TAF1: variants seen among roughly 807,000 people sequenced by gnomAD.
The protein encoded by TAF1 is transcription initiation factor TFIID subunit 1.
In TAF1, 2 loss-of-function variants were observed where a neutral mutation model predicts 138.5. The observed-to-expected ratio is 0.01, with a 90% confidence interval of 0.01 to 0.05. The LOEUF (loss-of-function observed/expected upper bound fraction) is 0.05, where lower values mean the gene tolerates loss of function less well. TAF1 is among the 10% of genes least tolerant of loss of function. The probability of loss-of-function intolerance (pLI) is 1.00; values close to 1 mark genes in which losing one functional copy is unlikely to be tolerated. For missense variants in TAF1, 709 were observed against 1,478.0 expected, an observed-to-expected ratio of 0.48 and a Z score of 8.53; for synonymous variants, 437 against 503.2, an observed-to-expected ratio of 0.87 and a Z score of 1.76.
At chrX:71,422,865 G>A (rs1336502309) in intron 29 of TAF1, among the ~76,000 whole-genome samples, 1 of 110,708 alleles carries the variant, frequency 9.0e-6, no homozygotes, top group African/African-American at 3.3e-5. Context: ...TCAGCCTCCT[G>A]AGTAGCTGGG....
chrX:71,498,748 T>TAGGGCTGAAA, intron 13 of TAF1, among the ~76,000 whole-genome samples: 1 of 111,692 alleles, frequency 9.0e-6, no homozygotes, highest in East Asian at 2.8e-4. Flanking sequence ...TTGGCTAATA[T>TAGGGCTGAAA]GTCCCTCCCT....
chrX:71,528,433 A>T, intron 13 of TAF1: 1 of 264,644 alleles, frequency 3.8e-6, no homozygotes, highest in Non-Finnish European at 7.2e-6. Flanking sequence ...TGCACCTGTG[A>T]GTCCACAGAA....
chrX:71,498,553 AG>A (rs891084641), intron 13 of TAF1, among the ~76,000 whole-genome samples: 4 of 111,322 alleles, frequency 3.6e-5, no homozygotes, highest in African/African-American at 1.3e-4. Flanking sequence ...ACAGGCCTTA[AG>A]GGATATTGCC....
At chrX:71,404,562 C>T (rs1478461292) in intron 25 of TAF1, among the ~76,000 whole-genome samples, 2 of 110,902 alleles carry the variant, frequency 1.8e-5, no homozygotes, top group Admixed American at 1.9e-4. Flanking sequence ...GTCTCGAACT[C>T]CCGACCTCAG....
chrX:71,443,171 G>A (rs1397379301), intron 32 of TAF1, among the ~76,000 whole-genome samples: 4 of 111,590 alleles, frequency 3.6e-5, no homozygotes, highest in African/African-American at 9.8e-5. Flanking sequence ...TATGAACTTC[G>A]AAGTAGTTTT....
intron 29 of TAF1, among the ~76,000 whole-genome samples, chrX:71,421,904 C>T (rs979060699): frequency 5.4e-5 from 6 of 112,038 alleles, no homozygotes; most frequent in African/African-American, 9.7e-5. Flanking sequence ...CCAGTAAACA[C>T]GGAAAGATTC....
At chrX:71,381,966 CT>C in intron 9 of TAF1, 47 bp downstream of exon 9, 1 of 1,101,186 alleles carries the variant, frequency 9.1e-7, no homozygotes, top group Non-Finnish European at 1.2e-6. Flanking sequence ...TGAAAACTTG[CT>C]GTTAATGTCA....
At chrX:71,370,965 G>A (rs1196468167) in intron 3 of TAF1, among the ~76,000 whole-genome samples, 2 of 112,037 alleles carry the variant, frequency 1.8e-5, no homozygotes, top group Non-Finnish European at 3.8e-5. Flanking sequence ...TCATGTTTCT[G>A]TATATAGAGT....
intron 7 of TAF1, among the ~76,000 whole-genome samples, 177 bp downstream of exon 7, chrX:71,378,630 A>G (rs746300791): frequency 5.4e-5 from 6 of 111,632 alleles, no homozygotes; most frequent in Non-Finnish European, 1.1e-4. Context: ...TCCTATTCTA[A>G]GGATTCTGTT....
At chrX:71,414,099 G>A (rs2035931388) in intron 28 of TAF1, 4 of 93,790 alleles carry the variant, frequency 4.3e-5, no homozygotes, top group Admixed American at 3.8e-4. Flanking sequence ...TTCCCTTGTA[G>A]TCCTATGTAC....
intron 32 of TAF1, among the ~76,000 whole-genome samples, chrX:71,448,032 G>GA (rs1329864204): frequency 1.8e-5 from 2 of 111,918 alleles, no homozygotes; most frequent in Non-Finnish European, 3.8e-5. Flanking sequence ...AATATACTCA[G>GA]AAAAAACATT....
At chrX:71,420,929 CACCGCCCTGACCCGGAGGCCTG>C (rs1392201511) in intron 28 of TAF1, among the ~76,000 whole-genome samples, 1 of 112,807 alleles carries the variant, frequency 8.9e-6, no homozygotes, top group Admixed American at 9.3e-5. Flanking sequence ...AAGATGGCGC[CACCGCCCTGACCCGGAGGCCTG>C]ACCGCCTGCA....
intron 32 of TAF1, among the ~76,000 whole-genome samples, chrX:71,438,158 T>C (rs746963884): frequency 1.6e-4 from 18 of 111,127 alleles, no homozygotes; most frequent in Non-Finnish European, 3.2e-4. Context: ...TATTTTTAAG[T>C]GTACAAATCA....
At position 71,509,799 on chromosome X, in the gene TAF1, C is replaced by G. The variant is rs1266131078; in HGVS notation, c.1367-18743C>G. Among the ~76,000 whole-genome samples, 3 of 110,077 alleles carry G rather than the reference C, an allele frequency of 2.7e-5. No individual in the cohort carries two copies. In the Admixed American group the frequency reaches 2.9e-4, roughly 11 times the overall value. On this transcript the variant is annotated intron_variant and NMD_transcript_variant, in intron 13 of 14. Transcript: ENST00000373775. ...CCAGCCTGGCCAACACAGTGAAACC[C>G]CGTCTCTACTAAAAATACAAAAATT...
intron 13 of TAF1, among the ~76,000 whole-genome samples, chrX:71,510,914 A>C (rs1205088693): frequency 1.8e-5 from 2 of 110,844 alleles, no homozygotes; most frequent in African/African-American, 3.3e-5. Flanking sequence ...GACCAGCCTG[A>C]CCAACATGGA....
chrX:71,481,547 G>C (rs904199160), intron 13 of TAF1, among the ~76,000 whole-genome samples: 1 of 111,214 alleles, frequency 9.0e-6, no homozygotes, highest in Non-Finnish European at 1.9e-5. Flanking sequence ...CCCTGAAATT[G>C]ATGTTTTTTG....
intron 8 of TAF1, among the ~76,000 whole-genome samples, chrX:71,380,305 C>T (rs1421427190): frequency 3.6e-5 from 4 of 111,749 alleles, no homozygotes; most frequent in Admixed American, 9.5e-5. Flanking sequence ...CTTCCTGCCT[C>T]GGTCTCCCAA....
intron 32 of TAF1, among the ~76,000 whole-genome samples, chrX:71,436,728 A>G (rs1274756762): frequency 1.8e-5 from 2 of 111,257 alleles, no homozygotes; most frequent in Non-Finnish European, 1.9e-5. Flanking sequence ...TCATTGATCT[A>G]TTTGTCTAGT....
intron 13 of TAF1, among the ~76,000 whole-genome samples, chrX:71,507,672 G>T (rs1421902607): frequency 9.1e-6 from 1 of 109,673 alleles, no homozygotes; most frequent in Admixed American, 9.7e-5. Context: ...CCAGGCTGGT[G>T]TTGAACTACT....
Sources: gnomAD v4.1 joint callset for allele counts (sites outside exome capture counted in the v4.1 genomes callset) on GRCh38, gnomAD v4.1.1 for gene constraint, MANE v1.5 for transcripts, NCBI Gene and HGNC (gene_info 2026-07-23, HGNC 2026-07-21) for gene names.